ADGRL3: variants seen among roughly 807,000 people sequenced by gnomAD.
ADGRL3 encodes the protein calcium-independent alpha-latrotoxin receptor 3.
ADGRL3 carries 62 observed loss-of-function variants against 153.5 expected under a neutral mutation model. That is an observed-to-expected ratio of 0.40 (90% CI 0.33 to 0.50). The LOEUF (loss-of-function observed/expected upper bound fraction) is 0.50, where lower values mean the gene tolerates loss of function less well. ADGRL3 is among the 20% of genes least tolerant of loss of function. The pLI is 0.47. For missense variants in ADGRL3, 1,641 were observed against 1,859.4 expected, an observed-to-expected ratio of 0.88 and a Z score of 2.16; for synonymous variants, 710 against 672.5, an observed-to-expected ratio of 1.06 and a Z score of -0.86.
chr4:61,728,911 G>A (rs1021233656), intron 6 of ADGRL3, among the ~76,000 whole-genome samples: 6 of 152,012 alleles, frequency 3.9e-5, no homozygotes, highest in African/African-American at 1.4e-4. Flanking sequence ...GATAAGGCTT[G>A]AGATGCCTGT....
intron 1 of ADGRL3, among the ~76,000 whole-genome samples, chr4:61,345,338 A>G (rs891700355): frequency 6.6e-6 from 1 of 152,140 alleles, no homozygotes; most frequent in African/African-American, 2.4e-5. Context: ...TCAACTGTAC[A>G]TGATTAATGA....
Position 61,909,761 on chromosome 4 carries a change from ATGTGTGTGTGTG to A in ADGRL3, c.2073+46_2073+57del, listed in dbSNP as rs58884223. On this transcript the variant is annotated intron_variant, in intron 12 of 26. Coordinates refer to ENST00000683033, the MANE Select transcript of ADGRL3 (RefSeq NM_001387552.1). ...TTTGAACAAGGTAAGGACCCTAATT[ATGTGTGTGTGTG>A]TGTGTGTGTGTGTGTGTGTGTGTGT... The A allele has an allele frequency of 6.4e-5, 77 of 1,196,296 alleles. No individual in the cohort carries two copies. The Middle Eastern group carries it at 1.4e-3, about 22-fold the overall frequency. 74.1% of individuals were successfully genotyped at this position (1,196,296 alleles called of 1,614,324 possible).
Position 62,077,276 on chromosome 4 carries a change from G to C in ADGRL3, c.*6368G>C, listed in dbSNP as rs367890353. 3 of 151,836 alleles carry C rather than the reference G, an allele frequency of 2.0e-5. No homozygotes were observed. Among genetic ancestry groups the C allele is most frequent in the East Asian group, 3.9e-4 (2 of 5,174 alleles). 9.4% of individuals were successfully genotyped at this position (151,836 alleles called of 1,614,324 possible). On this transcript the variant is annotated 3_prime_UTR_variant, in exon 27 of 27. Coordinates refer to ENST00000683033, the MANE Select transcript of ADGRL3 (RefSeq NM_001387552.1). ...TTTAAATGATGATGCTCCACTCTTT[G>C]ATCTACAGACAAGGTTACAAAAGAT...
At chr4:61,630,076 C>G (rs2093067651) in intron 5 of ADGRL3, among the ~76,000 whole-genome samples, 1 of 152,106 alleles carries the variant, frequency 6.6e-6, no homozygotes, top group Non-Finnish European at 1.5e-5. Context: ...ATGTGAAAGA[C>G]TACCCCTATG....
At chr4:61,589,555 A>G (rs188509903) in intron 5 of ADGRL3, among the ~76,000 whole-genome samples, 1 of 152,052 alleles carries the variant, frequency 6.6e-6, no homozygotes, top group Non-Finnish European at 1.5e-5. Flanking sequence ...ATGTTTTTTT[A>G]AAAGGTATCT....
chr4:61,651,061 T>C (rs1465527035), intron 5 of ADGRL3, among the ~76,000 whole-genome samples: 3 of 152,178 alleles, frequency 2.0e-5, no homozygotes, highest in South Asian at 2.1e-4. Flanking sequence ...TCAATTCTTA[T>C]GATTCTTAGG....
chr4:61,294,600 A>G (rs1420126333), intron 1 of ADGRL3, among the ~76,000 whole-genome samples: 1 of 152,120 alleles, frequency 6.6e-6, no homozygotes, highest in Admixed American at 6.6e-5. Context: ...TAATTGGCAA[A>G]TTATTTTTCT....
At chr4:61,365,265 T>A (rs1292027860) in intron 1 of ADGRL3, among the ~76,000 whole-genome samples, 5 of 151,386 alleles carry the variant, frequency 3.3e-5, no homozygotes, top group Admixed American at 1.3e-4. Context: ...AAAAAAAAAT[T>A]GAATACAATT....
intron 15 of ADGRL3, among the ~76,000 whole-genome samples, chr4:61,936,261 G>A (rs1366388664): frequency 6.6e-6 from 1 of 151,972 alleles, no homozygotes; most frequent in Non-Finnish European, 1.5e-5. Context: ...TTTGGAAATT[G>A]TTCCATTACT....
rs954051203 is a variant in ADGRL3 at position 62,071,028 on chromosome 4, A to G, written c.*120A>G. 1 of 894,782 alleles carries G rather than the reference A, an allele frequency of 1.1e-6. No individual in the cohort carries two copies. The highest frequency in any genetic ancestry group is 1.6e-6 in the Non-Finnish European group (1 of 606,434). The allele number at this position is 894,782 out of a possible 1,614,324, so 55.4% of individuals were successfully genotyped here. A position where few individuals can be genotyped will look rare whatever the true frequency, so the allele number is the denominator to read the frequency against. On this transcript the variant is annotated 3_prime_UTR_variant, in exon 27 of 27. Transcript: ENST00000683033. ...AATCTTTATGCTGTCCTCTAAAGAC[A>G]AACACAAACTCTCAGACTTTTTTTT...
At position 61,592,050 on chromosome 4, in the gene ADGRL3, T is replaced by G. The variant is rs114612627; in HGVS notation, c.473+4610T>G. Among the ~76,000 whole-genome samples, 641 of 134,364 alleles carry G rather than the reference T, an allele frequency of 4.8e-3. 3 individuals carry two copies. The highest frequency in any genetic ancestry group is 0.018 in the African/African-American group (612 of 34,806). The allele number at this position is 134,364 out of a possible 152,430, so 88.1% of individuals were successfully genotyped here. On this transcript the variant is annotated intron_variant, in intron 5 of 26. Coordinates refer to ENST00000683033, the MANE Select transcript of ADGRL3 (RefSeq NM_001387552.1). Reference sequence around the variant, plus strand: ...TGTGATCATAAAACCGCACTTAGCCTGGGTGACAGAATGAAACTGCTTCAA... The same window carrying G: ...TGTGATCATAAAACCGCACTTAGCCGGGGTGACAGAATGAAACTGCTTCAA...
intron 9 of ADGRL3, among the ~76,000 whole-genome samples, chr4:61,875,854 G>T (rs993610000): frequency 3.3e-5 from 5 of 152,114 alleles, no homozygotes; most frequent in African/African-American, 1.2e-4. Flanking sequence ...AGTGTACTTT[G>T]CACTTTTTTA....
intron 17 of ADGRL3, among the ~76,000 whole-genome samples, chr4:61,963,926 A>C (rs1365396323): frequency 6.6e-6 from 1 of 152,224 alleles, no homozygotes; most frequent in African/African-American, 2.4e-5. Context: ...CACTGGATGA[A>C]GACTTCAACT....
At chr4:61,460,195 A>G (rs1294794038) in intron 2 of ADGRL3, among the ~76,000 whole-genome samples, 2 of 151,782 alleles carry the variant, frequency 1.3e-5, no homozygotes, top group Non-Finnish European at 2.9e-5. Flanking sequence ...TCATCTAGTA[A>G]TTTTATAGTT....
chr4:61,568,881 A>G (rs1023760917), intron 4 of ADGRL3, among the ~76,000 whole-genome samples: 10 of 151,976 alleles, frequency 6.6e-5, no homozygotes, highest in Admixed American at 6.6e-5. Context: ...GATGATGTTC[A>G]CCTATCTTGC....
chr4:62,053,324 T>C (rs1363668044), intron 25 of ADGRL3, among the ~76,000 whole-genome samples: 1 of 151,582 alleles, frequency 6.6e-6, no homozygotes, highest in Non-Finnish European at 1.5e-5. Flanking sequence ...TTAAATTAGC[T>C]CCTGTTGAAT....
chr4:61,983,667 A>G, intron 19 of ADGRL3, 64 bp downstream of exon 19: 2 of 1,445,638 alleles, frequency 1.4e-6, no homozygotes, highest in Non-Finnish European at 1.9e-6. Flanking sequence ...CTTTCTTGGA[A>G]GCAAAGGTCT....
intron 3 of ADGRL3, among the ~76,000 whole-genome samples, chr4:61,505,824 T>TA (rs34446845): frequency 1.2e-4 from 18 of 150,656 alleles, no homozygotes; most frequent in East Asian, 3.9e-4. Flanking sequence ...CATCTTTTAA[T>TA]AAAAAAAAAA....
chr4:61,947,158 T>G (rs751847661), intron 16 of ADGRL3, 36 bp downstream of exon 16: 9 of 1,506,466 alleles, frequency 6.0e-6, no homozygotes, highest in Middle Eastern at 1.7e-4. Flanking sequence ...TTGTTCATAT[T>G]ATCTGTATTT....
Sources: gnomAD v4.1 joint callset for allele counts (sites outside exome capture counted in the v4.1 genomes callset) on GRCh38, gnomAD v4.1.1 for gene constraint, MANE v1.5 for transcripts, NCBI Gene and HGNC (gene_info 2026-07-23, HGNC 2026-07-21) for gene names.